Variants in CNGB1 observed in about 807,000 individuals in gnomAD.
CNGB1 encodes the protein cyclic nucleotide-gated channel beta-1.
Under a neutral mutation model 151.7 loss-of-function variants are expected in CNGB1, and 126 were observed. The ratio of observed to expected loss-of-function variants is 0.83; its 90% CI spans 0.72 to 0.96. CNGB1 has a LOEUF of 0.96. Ranked by LOEUF, CNGB1 falls within the 40% of genes least tolerant of loss-of-function variation. The probability of loss-of-function intolerance (pLI) is 0.00; values close to 1 mark genes in which losing one functional copy is unlikely to be tolerated. For synonymous variants in CNGB1, 623 were observed against 635.1 expected (o/e 0.98, Z 0.29); for missense variants, 1,698 against 1,627.0 (o/e 1.04, Z -0.75).
At chr16:57,937,177 G>A (rs1961534935) in intron 16 of CNGB1, 1 of 152,692 alleles carries the variant, frequency 6.5e-6, no homozygotes, top group Non-Finnish European at 1.5e-5. Context: ...CAGGGATGCG[G>A]GTGATTGGGA....
At chr16:57,909,586 G>T (rs117830070) in intron 25 of CNGB1, among the ~76,000 whole-genome samples, 2 of 152,060 alleles carry the variant, frequency 1.3e-5, no homozygotes, top group Non-Finnish European at 2.9e-5. Flanking sequence ...ATGTGGTTTC[G>T]CCATGTCGAC....
intron 3 of CNGB1, 94 bp from the exon 4 acceptor site, chr16:57,964,296 AC>A: frequency 2.8e-6 from 4 of 1,451,610 alleles, no homozygotes; most frequent in Non-Finnish European, 3.9e-6. Context: ...GAGGAGAGAG[AC>A]CCCCAGGGGT....
chr16:57,962,970 G>A lies in CNGB1; in HGVS notation c.381+4C>T. 1.9e-6 allele frequency: 3 copies of A among 1,613,100 alleles called. No individual in the cohort carries two copies. The South Asian group carries it at 3.3e-5, about 18-fold the overall frequency. ...GCCCCTTCAGCCTCCAGCCCCAGCA[G>A]TACCTGAGCCGGGTCCTCCGTGATG... On this transcript the variant is annotated splice_donor_region_variant and intron_variant, in intron 5 of 32. Transcript: ENST00000251102.
At chr16:57,922,427 C>T (rs1389843504) in intron 18 of CNGB1, among the ~76,000 whole-genome samples, 2 of 142,086 alleles carry the variant, frequency 1.4e-5, no homozygotes, top group Admixed American at 1.4e-4. Context: ...TTCTTTCTTT[C>T]TTTCTTTTTT....
intron 25 of CNGB1, among the ~76,000 whole-genome samples, chr16:57,907,752 CAGGAGCAGGGCTGTG>C (rs1437552967): frequency 3.3e-5 from 5 of 152,296 alleles, no homozygotes; most frequent in African/African-American, 1.2e-4. Context: ...AGCCAGGGCT[CAGGAGCAGGGCTGTG>C]AATGGGAATG....
intron 1 of CNGB1, among the ~76,000 whole-genome samples, chr16:57,970,542 G>A (rs1238846956): frequency 6.6e-6 from 1 of 152,232 alleles, no homozygotes; most frequent in Non-Finnish European, 1.5e-5. Flanking sequence ...CATTTGCCGA[G>A]TGTTGGCCTC....
chr16:57,902,587 A>AAAACTATTT, intron 27 of CNGB1, among the ~76,000 whole-genome samples: 1 of 151,360 alleles, frequency 6.6e-6, no homozygotes, highest in South Asian at 2.1e-4. Flanking sequence ...GATTACAGGC[A>AAAACTATTT]TGAGCCACCG....
At chr16:57,942,614 C>T (rs996384772) in intron 14 of CNGB1, among the ~76,000 whole-genome samples, 5 of 152,266 alleles carry the variant, frequency 3.3e-5, no homozygotes, top group Admixed American at 3.3e-4. Context: ...CCTGTAATCT[C>T]GGCATTTTGA....
chr16:57,918,444 ATATGAAGTGGGT>A (rs1479291292), intron 20 of CNGB1, among the ~76,000 whole-genome samples: 1 of 152,224 alleles, frequency 6.6e-6, no homozygotes, highest in African/African-American at 2.4e-5. Flanking sequence ...TGCTATGCAC[ATATGAAGTGGGT>A]TATTTCTGAG....
At chr16:57,910,673 CTTTT>C (rs56363726) in intron 25 of CNGB1, among the ~76,000 whole-genome samples, 19,749 of 104,470 alleles carry the variant, frequency 0.19, 1,617 homozygotes, top group Middle Eastern at 0.22. Flanking sequence ...CAAGCCCGGC[CTTTT>C]TTTTTTTTTT....
chr16:57,944,074 G>A (rs1272385354), intron 14 of CNGB1, among the ~76,000 whole-genome samples: 3 of 151,998 alleles, frequency 2.0e-5, no homozygotes, highest in Non-Finnish European at 2.9e-5. Flanking sequence ...TTTTAGTAGA[G>A]TCGGGGTTTC....
rs542043490 is a variant in CNGB1, at chr16:57,929,703, T to G, written c.1535+2013A>C. Among the ~76,000 whole-genome samples, 42 of 152,262 alleles carry G rather than the reference T, an allele frequency of 2.8e-4. No homozygotes were observed. The South Asian group carries it at 8.5e-3, about 31-fold the overall frequency. ...TTAAATGCCAGAAGTGCCACAGTTT[T>G]AAACCATTGGATCTCGTGAGAACTC... On this transcript the variant is annotated intron_variant, in intron 17 of 32. Coordinates refer to ENST00000251102, the MANE Select transcript of CNGB1 (RefSeq NM_001297.5).
At chr16:57,918,725 A>G (rs1267125995) in intron 20 of CNGB1, among the ~76,000 whole-genome samples, 1 of 152,172 alleles carries the variant, frequency 6.6e-6, no homozygotes, top group South Asian at 2.1e-4. Context: ...TTTAAGACAG[A>G]GTCTCACTCT....
Position 57,919,102 on chromosome 16 carries a change from T to G in CNGB1, c.1954A>C (p.Thr652Pro). 5 of 1,614,234 alleles carry G rather than the reference T, an allele frequency of 3.1e-6. No individual in the cohort carries two copies. Among genetic ancestry groups the G allele is most frequent in the Non-Finnish European group, 3.4e-6 (4 of 1,180,046 alleles). Reference sequence around the variant, plus strand: ...ACACCCATTCCCCAGGACTCACTGGTCAGCGGGTCAATGCTCTGGGGAAAC... The same window carrying G: ...ACACCCATTCCCCAGGACTCACTGGGCAGCGGGTCAATGCTCTGGGGAAAC... ...YQFPQSIDPL[T>P]NLMYVLWLFF... Residue 652 changes from threonine (T) to proline (P), a missense_variant, in exon 20 of 33, where the codon ACC becomes CCC. Coordinates refer to ENST00000251102, the MANE Select transcript of CNGB1 (RefSeq NM_001297.5).
At chr16:57,923,867 A>T (rs1961115785) in intron 17 of CNGB1, among the ~76,000 whole-genome samples, 1 of 152,172 alleles carries the variant, frequency 6.6e-6, no homozygotes, top group Non-Finnish European at 1.5e-5. Flanking sequence ...CAGAGAAGCC[A>T]TGGAATCCAG....
chr16:57,921,563 G>A (rs1467126738), intron 18 of CNGB1, among the ~76,000 whole-genome samples: 2 of 152,056 alleles, frequency 1.3e-5, no homozygotes, highest in South Asian at 2.1e-4. Flanking sequence ...CAGGTGTGGC[G>A]GGGACATGAG....
chr16:57,930,517 A>C, intron 17 of CNGB1, among the ~76,000 whole-genome samples: 1 of 103,274 alleles, frequency 9.7e-6, no homozygotes, highest in East Asian at 3.3e-4. Context: ...AGGAGAGGGG[A>C]GGGAAGGAGA....
chr16:57,962,252 C>T (rs1962276386), intron 7 of CNGB1, among the ~76,000 whole-genome samples: 1 of 152,174 alleles, frequency 6.6e-6, no homozygotes, highest in Non-Finnish European at 1.5e-5. Flanking sequence ...TGCTTCCAGG[C>T]TCCACACGGA....
At chr16:57,954,864 A>G (rs1048518129) in intron 12 of CNGB1, 48 of 1,005,210 alleles carry the variant, frequency 4.8e-5, no homozygotes, top group Non-Finnish European at 5.6e-5. Flanking sequence ...GTCCTCTCAA[A>G]GAGATGCTCA....
Sources: allele counts gnomAD v4.1 joint callset (sites outside exome capture counted in the v4.1 genomes callset), GRCh38; gene constraint gnomAD v4.1.1; transcripts MANE v1.5; gene names NCBI Gene and HGNC (gene_info 2026-07-23, HGNC 2026-07-21).